The following NRXN3 variants were observed in gnomAD, a reference collection of about 807,000 sequenced individuals.
The protein encoded by NRXN3 is neurexin 3, also known as neurexin III.
Under a neutral mutation model 137.6 loss-of-function variants are expected in NRXN3, and 32 were observed. The observed-to-expected ratio is 0.23, with a 90% CI of 0.18 to 0.31. The LOEUF is 0.31. Among genes scored for constraint, NRXN3 ranks in the 10% least tolerant of loss-of-function variants. The pLI, the probability that NRXN3 is intolerant of heterozygous loss-of-function variation, is 1.00. For missense variants in NRXN3, 1,574 were observed against 2,062.5 expected (o/e 0.76, Z 4.59); for synonymous variants, 798 against 784.5 (o/e 1.02, Z -0.29).
intron 15 of NRXN3, among the ~76,000 whole-genome samples, chr14:79,023,085 G>A (rs1292468913): frequency 6.7e-6 from 1 of 149,282 alleles, no homozygotes; most frequent in Admixed American, 6.7e-5. Flanking sequence ...CATCAGGATG[G>A]ACACTCAGTA....
intron 17 of NRXN3, among the ~76,000 whole-genome samples, chr14:79,687,176 G>A (rs950194013): frequency 3.3e-5 from 5 of 152,166 alleles, no homozygotes; most frequent in African/African-American, 7.2e-5. Flanking sequence ...GAGCTCCTTG[G>A]TCGAAAGGCA....
In NRXN3 at chr14:78,511,255, G is replaced by A. The variant is rs533584382; in HGVS notation, c.758-133865G>A. Among the ~76,000 whole-genome samples, 4 of 152,306 alleles carry A rather than the reference G, an allele frequency of 2.6e-5. No homozygotes were observed. In the East Asian group the frequency reaches 7.7e-4, roughly 29 times the overall value. On this transcript the variant is annotated intron_variant, in intron 4 of 20. Coordinates refer to ENST00000335750, the MANE Select transcript of NRXN3 (RefSeq NM_001330195.2). ...TATGGGGACATTGGGCGTGTTTTAAGCCATATGCTCATAACCTTTGTGTCA... is the reference window on the plus strand; with the variant it reads ...TATGGGGACATTGGGCGTGTTTTAAACCATATGCTCATAACCTTTGTGTCA...
intron 16 of NRXN3, among the ~76,000 whole-genome samples, chr14:79,559,109 A>T (rs1228151546): frequency 2.0e-5 from 3 of 152,146 alleles, no homozygotes; most frequent in African/African-American, 4.8e-5. Context: ...TATTCTGTCC[A>T]GACAACTAAA....
At chr14:79,726,824 A>G (rs901240118) in intron 19 of NRXN3, among the ~76,000 whole-genome samples, 2 of 152,186 alleles carry the variant, frequency 1.3e-5, no homozygotes, top group Non-Finnish European at 2.9e-5. Context: ...ATTCAGGTTC[A>G]TATAGTATGA....
intron 13 of NRXN3, among the ~76,000 whole-genome samples, chr14:78,967,625 G>A (rs917870151): frequency 6.6e-6 from 1 of 152,114 alleles, no homozygotes; most frequent in Admixed American, 6.5e-5. Context: ...ATGTCATGCT[G>A]TGGGGGCTGA....
chr14:78,643,079 G>A (rs191296539), intron 4 of NRXN3, among the ~76,000 whole-genome samples: 1 of 152,194 alleles, frequency 6.6e-6, no homozygotes, highest in Non-Finnish European at 1.5e-5. Context: ...AGCTGAGGCT[G>A]ATGTTTTAAT....
intron 10 of NRXN3, among the ~76,000 whole-genome samples, chr14:78,926,800 ATATT>A (rs1453282047): frequency 3.9e-5 from 2 of 51,772 alleles, no homozygotes; most frequent in Non-Finnish European, 6.3e-5. Context: ...TATATATTAT[ATATT>A]TATATATATT....
At chr14:78,217,786 C>T (rs900608646) in intron 1 of NRXN3, among the ~76,000 whole-genome samples, 8 of 152,176 alleles carry the variant, frequency 5.3e-5, no homozygotes, top group Non-Finnish European at 8.8e-5. Flanking sequence ...CTCAGCCTCC[C>T]AAGTAGCTGG....
intron 18 of NRXN3, among the ~76,000 whole-genome samples, chr14:79,695,827 AT>A (rs899541188): frequency 1.3e-5 from 2 of 151,996 alleles, no homozygotes; most frequent in African/African-American, 4.8e-5. Context: ...ATGAAAATCT[AT>A]GAGATCTGTT....
chr14:78,375,938 T>C (rs1393098190), intron 4 of NRXN3, among the ~76,000 whole-genome samples: 1 of 152,002 alleles, frequency 6.6e-6, no homozygotes. Flanking sequence ...TAAATCTACA[T>C]GGTTCAGTGT....
At chr14:78,446,695 A>G (rs1038294615) in intron 4 of NRXN3, among the ~76,000 whole-genome samples, 2 of 152,236 alleles carry the variant, frequency 1.3e-5, no homozygotes, top group African/African-American at 4.8e-5. Flanking sequence ...GAGCAGGATA[A>G]ATATTGCTGA....
At chr14:79,588,968 A>G (rs1176768343) in intron 16 of NRXN3, among the ~76,000 whole-genome samples, 6 of 152,178 alleles carry the variant, frequency 3.9e-5, no homozygotes, top group Non-Finnish European at 5.9e-5. Flanking sequence ...TAAAAATTCT[A>G]TTGAGGCTGG....
intron 4 of NRXN3, among the ~76,000 whole-genome samples, chr14:78,510,405 G>A (rs1371959320): frequency 6.6e-6 from 1 of 152,032 alleles, no homozygotes; most frequent in Admixed American, 6.5e-5. Flanking sequence ...AAGGAGTCCA[G>A]GGAAGCAGAC....
intron 15 of NRXN3, among the ~76,000 whole-genome samples, chr14:79,365,725 C>CA (rs569855024): frequency 0.2 from 8,260 of 42,070 alleles, 1,188 homozygotes; most frequent in Middle Eastern, 0.45. Context: ...GACTCTGTCT[C>CA]AAAAAAAAAA....
chr14:79,113,460 G>A (rs894853402), intron 15 of NRXN3, among the ~76,000 whole-genome samples: 1 of 152,070 alleles, frequency 6.6e-6, no homozygotes, highest in African/African-American at 2.4e-5. Flanking sequence ...AATCGGCCTC[G>A]ACTTCTTTTC....
chr14:78,425,799 C>T (rs17107548), intron 4 of NRXN3, among the ~76,000 whole-genome samples: 15,440 of 152,208 alleles, frequency 0.1, 1,049 homozygotes, highest in African/African-American at 0.17. Flanking sequence ...GTGGCATTTT[C>T]TGAACCTCAG....
At chr14:78,326,120 G>A (rs912244822) in intron 4 of NRXN3, among the ~76,000 whole-genome samples, 1 of 152,172 alleles carries the variant, frequency 6.6e-6, no homozygotes, top group Admixed American at 6.5e-5. Context: ...AAGAATGCAG[G>A]AGTTTTACTG....
intron 19 of NRXN3, among the ~76,000 whole-genome samples, chr14:79,794,167 A>G (rs892551916): frequency 3.9e-5 from 6 of 152,150 alleles, no homozygotes; most frequent in Non-Finnish European, 8.8e-5. Context: ...GTTTGAGACC[A>G]GCCTAGCCAA....
chr14:79,229,299 T>C (rs1435771813), intron 15 of NRXN3, among the ~76,000 whole-genome samples: 1 of 152,234 alleles, frequency 6.6e-6, no homozygotes, highest in Non-Finnish European at 1.5e-5. Flanking sequence ...ACATAATTGA[T>C]CATACATCTC....
Sources: allele counts gnomAD v4.1 joint callset (sites outside exome capture counted in the v4.1 genomes callset), GRCh38; gene constraint gnomAD v4.1.1; transcripts MANE v1.5; gene names NCBI Gene and HGNC (gene_info 2026-07-23, HGNC 2026-07-21).